The following NPHP1 variants were observed in gnomAD, a reference collection of about 807,000 sequenced individuals.
NPHP1 encodes the protein nephrocystin-1.
In NPHP1, 70 loss-of-function variants were observed where a neutral mutation model predicts 90.4. The observed-to-expected ratio is 0.77, with a 90% CI of 0.64 to 0.95. NPHP1 has a LOEUF of 0.95. NPHP1 is among the 40% of genes least tolerant of loss of function. The pLI is 0.00. For missense variants in NPHP1, 764 were observed against 795.9 expected, an observed-to-expected ratio of 0.96 and a Z score of 0.48; for synonymous variants, 256 against 271.7, an observed-to-expected ratio of 0.94 and a Z score of 0.57.
At chr2:110,150,546 C>A (rs1681389238) in intron 11 of NPHP1, among the ~76,000 whole-genome samples, 1 of 151,716 alleles carries the variant, frequency 6.6e-6, no homozygotes, top group African/African-American at 2.4e-5. Flanking sequence ...TAAAAATGGC[C>A]TTTTATTTAT....
chr2:110,123,700 G>T lies in NPHP1; in HGVS notation c.*91C>A. ...AAGAGTAAAACCTAAGTTGTAAAGT[G>T]ACAGTGATTTTTGGTTCCATCATTT... On this transcript the variant is annotated 3_prime_UTR_variant, in exon 20 of 20. Transcript: ENST00000445609. 1 of 1,298,582 alleles carries T rather than the reference G, an allele frequency of 7.7e-7. No individual in the cohort carries two copies. Among genetic ancestry groups the T allele is most frequent in the East Asian group, 2.3e-5 (1 of 43,084 alleles). 80.4% of individuals were successfully genotyped at this position (1,298,582 alleles called of 1,614,324 possible).
At chr2:110,170,370 T>A (rs1683035713) in intron 4 of NPHP1, among the ~76,000 whole-genome samples, 1 of 152,214 alleles carries the variant, frequency 6.6e-6, no homozygotes, top group Non-Finnish European at 1.5e-5. Flanking sequence ...CTGGGTGACC[T>A]TGAGTAGGCT....
At chr2:110,172,598 T>G (rs1299992385) in intron 4 of NPHP1, among the ~76,000 whole-genome samples, 1 of 152,056 alleles carries the variant, frequency 6.6e-6, no homozygotes, top group Non-Finnish European at 1.5e-5. Context: ...CTGAGCAATA[T>G]AGTGAGACCC....
rs763000358 is a variant in NPHP1 at position 110,168,440 on chromosome 2, AC to A, written c.624+11del. 14 of 1,573,618 alleles carry A rather than the reference AC, an allele frequency of 8.9e-6. No individual in the cohort carries two copies. The African/African-American group carries it at 1.9e-4, about 21-fold the overall frequency. On this transcript the variant is annotated intron_variant, in intron 6 of 19. Coordinates refer to ENST00000445609, the MANE Select transcript of NPHP1 (RefSeq NM_001128178.3). ...AAAGTCTTAGAAAAGGAAGGCATAAACCAAGACTAACCTCTAGGTAGGTTCT... is the reference window on the plus strand; with the variant it reads ...AAAGTCTTAGAAAAGGAAGGCATAAACAAGACTAACCTCTAGGTAGGTTCT...
At chr2:110,166,635 G>A (rs1682747311) in intron 6 of NPHP1, among the ~76,000 whole-genome samples, 1 of 152,110 alleles carries the variant, frequency 6.6e-6, no homozygotes, top group African/African-American at 2.4e-5. Flanking sequence ...ATAAAATACT[G>A]GATAGGATCT....
chr2:110,136,885 A>T (rs1331999397), intron 16 of NPHP1, among the ~76,000 whole-genome samples: 1 of 152,138 alleles, frequency 6.6e-6, no homozygotes. Context: ...AAGCCAAAAG[A>T]ACAAAGCTGG....
chr2:110,144,326 A>G, intron 15 of NPHP1, 167 bp downstream of exon 15: 2 of 610,260 alleles, frequency 3.3e-6, no homozygotes, highest in Non-Finnish European at 2.9e-6. Context: ...ATGTGTTACC[A>G]AGAAAATAAG....
At chr2:110,190,399 G>A (rs191641675) in intron 2 of NPHP1, among the ~76,000 whole-genome samples, 7 of 152,314 alleles carry the variant, frequency 4.6e-5, no homozygotes, top group Admixed American at 2.0e-4. Context: ...CTAAGGCCGG[G>A]TGAGAAATTG....
chr2:110,201,338 G>C, intron 2 of NPHP1, 83 bp downstream of exon 2: 1 of 909,448 alleles, frequency 1.1e-6, no homozygotes, highest in Non-Finnish European at 1.8e-6. Context: ...TGATTCCAAA[G>C]GACCAATCTC....
intron 6 of NPHP1, among the ~76,000 whole-genome samples, chr2:110,168,091 A>G (rs1466787010): frequency 6.6e-6 from 1 of 152,214 alleles, no homozygotes; most frequent in Non-Finnish European, 1.5e-5. Context: ...ACACACATGT[A>G]TAGTATGTTC....
In NPHP1 at chr2:110,163,508, C is replaced by T. The variant is rs562161092; in HGVS notation, c.772-373G>A. On this transcript the variant is annotated intron_variant, in intron 8 of 19. Coordinates refer to ENST00000445609, the MANE Select transcript of NPHP1 (RefSeq NM_001128178.3). ...AGAATTAATGGATTTTTTTTGTATA[C>T]ACATACACACTACTCATAGACACAC... 164 of 277,614 alleles carry T rather than the reference C, an allele frequency of 5.9e-4. 2 individuals carry two copies. The South Asian group carries it at 6.8e-3, about 12-fold the overall frequency. 17.2% of individuals were successfully genotyped at this position (277,614 alleles called of 1,614,324 possible). A position where few individuals can be genotyped will look rare whatever the true frequency, so the allele number is the denominator to read the frequency against.
chr2:110,174,754 C>G (rs1683395201), intron 4 of NPHP1, among the ~76,000 whole-genome samples: 1 of 150,968 alleles, frequency 6.6e-6, no homozygotes, highest in Admixed American at 6.6e-5. Context: ...TTTTTCAGCT[C>G]TCATACAGGA....
intron 6 of NPHP1, 143 bp downstream of exon 6, chr2:110,168,309 C>G (rs1682854518): frequency 1.5e-6 from 1 of 646,780 alleles, no homozygotes; most frequent in African/African-American, 1.8e-5. Context: ...ATGTTTTTCC[C>G]AGGTCCTGTC....
At chr2:110,199,207 T>C (rs1176093093) in intron 2 of NPHP1, among the ~76,000 whole-genome samples, 1 of 151,822 alleles carries the variant, frequency 6.6e-6, no homozygotes, top group Non-Finnish European at 1.5e-5. Context: ...CCATGATGGG[T>C]GGATCACCTG....
intron 16 of NPHP1, among the ~76,000 whole-genome samples, chr2:110,136,710 G>T (rs533343419): frequency 6.6e-6 from 1 of 152,186 alleles, no homozygotes; most frequent in Admixed American, 6.5e-5. Flanking sequence ...CATGCTCATG[G>T]ACAGGAAGAA....
chr2:110,197,995 A>C (rs1482458055), intron 2 of NPHP1, among the ~76,000 whole-genome samples: 5 of 152,194 alleles, frequency 3.3e-5, no homozygotes, highest in Non-Finnish European at 7.3e-5. Flanking sequence ...ATAAAAACTA[A>C]GCACACATTC....
At chr2:110,144,240 T>A in intron 15 of NPHP1, 1 of 491,436 alleles carries the variant, frequency 2.0e-6, no homozygotes, top group Non-Finnish European at 3.7e-6. Flanking sequence ...ATCAGTTCAG[T>A]GGTCAATGAA....
rs1486614758 is a variant in NPHP1, at chr2:110,163,052, C to T, written c.855G>A (p.Glu285=). The change falls in exon 9 of 20, where the codon GAG becomes GAA. Residue 285 remains glutamate, a synonymous_variant. Transcript: ENST00000445609. ...TGGCTGATAGGCACGCATTACCTTC[C>T]TCCAGAAGCTGTGAGAGCGTGGAAG... ...FRPSTLSQLL[E]EGNQFRANYF... is the part of the protein sequence containing the mutation. 6.2e-7 allele frequency: 1 copy of T among 1,611,300 alleles called. No homozygotes were observed. Among genetic ancestry groups the T allele is most frequent in the African/African-American group, 1.3e-5 (1 of 74,980 alleles).
intron 4 of NPHP1, among the ~76,000 whole-genome samples, chr2:110,172,176 T>C (rs903986949): frequency 6.6e-6 from 1 of 152,162 alleles, no homozygotes; most frequent in African/African-American, 2.4e-5. Context: ...TTCAAACTTA[T>C]TCACACAAGT....
Sources: allele counts gnomAD v4.1 joint callset (sites outside exome capture counted in the v4.1 genomes callset), GRCh38; gene constraint gnomAD v4.1.1; transcripts MANE v1.5; gene names NCBI Gene and HGNC (gene_info 2026-07-23, HGNC 2026-07-21).